Variants in RB1 observed in about 807,000 individuals in gnomAD.
The protein encoded by RB1 is RB transcriptional corepressor 1, also known as retinoblastoma-associated protein.
RB1 carries 18 observed loss-of-function variants against 135.4 expected under a neutral mutation model. The observed-to-expected ratio is 0.13, with a 90% CI of 0.09 to 0.20. RB1 has a LOEUF of 0.20. RB1 is among the 10% of genes least tolerant of loss of function. RB1 has a pLI of 1.00. For synonymous variants in RB1, 365 were observed against 373.2 expected, an observed-to-expected ratio of 0.98 and a Z score of 0.25; for missense variants, 868 against 1,110.0, an observed-to-expected ratio of 0.78 and a Z score of 3.10.
chr13:48,374,716 T>A (rs1050981569), intron 12 of RB1, among the ~76,000 whole-genome samples: 8 of 152,212 alleles, frequency 5.3e-5, no homozygotes, highest in African/African-American at 1.9e-4. Flanking sequence ...TCTTCTCATA[T>A]CATTTTGAAT....
intron 11 of RB1, among the ~76,000 whole-genome samples, chr13:48,372,422 C>A (rs1367624873): frequency 1.3e-5 from 2 of 152,018 alleles, no homozygotes; most frequent in African/African-American, 4.8e-5. Context: ...CTTTGGGAGG[C>A]CAAGGTGGGC....
chr13:48,350,959 A>G (rs1432793322), intron 6 of RB1, among the ~76,000 whole-genome samples: 1 of 151,932 alleles, frequency 6.6e-6, no homozygotes, highest in Non-Finnish European at 1.5e-5. Context: ...TATGTACCAC[A>G]TTTTCTTTAT....
Position 48,480,058 on chromosome 13 carries a change from A to C in RB1, c.2774A>C (p.Lys925Thr), listed in dbSNP as rs750946437. ...AATGATAGCATGGATACCTCAAACAAGGAAGAGAAATGAGGATCTCAGGAC... is the reference window on the plus strand; with the variant it reads ...AATGATAGCATGGATACCTCAAACACGGAAGAGAAATGAGGATCTCAGGAC... ...KMNDSMDTSN[K>T]EEK Residue 925 changes from lysine to threonine, a missense_variant, in exon 27 of 27, where the codon AAG becomes ACG. Coordinates refer to ENST00000267163, the MANE Select transcript of RB1 (RefSeq NM_000321.3). 1.2e-6 allele frequency: 2 copies of C among 1,612,720 alleles called. No individual in the cohort carries two copies.
chr13:48,350,184 A>G (rs1412695965), intron 6 of RB1, among the ~76,000 whole-genome samples: 1 of 152,182 alleles, frequency 6.6e-6, no homozygotes, highest in Non-Finnish European at 1.5e-5. Context: ...TGCACTATAT[A>G]GACCATATGA....
chr13:48,361,514 C>A (rs1396970361), intron 7 of RB1, among the ~76,000 whole-genome samples: 2 of 152,158 alleles, frequency 1.3e-5, no homozygotes, highest in African/African-American at 4.8e-5. Flanking sequence ...CATCCTTATA[C>A]ATCTCAGTAT....
chr13:48,323,148 C>T (rs1952255879), intron 2 of RB1, among the ~76,000 whole-genome samples: 1 of 151,924 alleles, frequency 6.6e-6, no homozygotes, highest in Non-Finnish European at 1.5e-5. Flanking sequence ...CCATCTGGGC[C>T]TGGACTTTTC....
intron 17 of RB1, among the ~76,000 whole-genome samples, chr13:48,450,552 T>G (rs560911278): frequency 5.9e-5 from 9 of 152,326 alleles, no homozygotes; most frequent in Admixed American, 5.2e-4. Context: ...CCATGCTGTT[T>G]TGGTTACTGT....
intron 17 of RB1, among the ~76,000 whole-genome samples, chr13:48,387,287 A>G (rs1948578227): frequency 6.6e-6 from 1 of 152,198 alleles, no homozygotes; most frequent in Admixed American, 6.5e-5. Flanking sequence ...ATGTTAACAT[A>G]ATGGGTTTAT....
At chr13:48,390,209 A>G (rs1050014935) in intron 17 of RB1, among the ~76,000 whole-genome samples, 4 of 152,216 alleles carry the variant, frequency 2.6e-5, no homozygotes, top group African/African-American at 7.2e-5. Context: ...AGGATATTTC[A>G]TTAAATAATT....
rs899323337 is a variant in RB1 at position 48,303,944 on chromosome 13, C to T, written c.32C>T (p.Ala11Val). The T allele has an allele frequency of 2.0e-6, 3 of 1,509,522 alleles. No homozygotes were observed. Among genetic ancestry groups the T allele is most frequent in the Admixed American group, 2.1e-5 (1 of 48,540 alleles). 93.5% of individuals were successfully genotyped at this position (1,509,522 alleles called of 1,614,324 possible). A position where few individuals can be genotyped will look rare whatever the true frequency, so the allele number is the denominator to read the frequency against. ...CCCAAAACCCCCCGAAAAACGGCCG[C>T]CACCGCCGCCGCTGCCGCCGCGGAA... Reference protein sequence around the residue: MPPKTPRKTAATAAAAAAEPP... With the variant: MPPKTPRKTAVTAAAAAAEPP... The change falls in exon 1 of 27, where the codon GCC becomes GTC. Residue 11 changes from alanine to valine, a missense_variant. Ala to Val is a moderately conservative substitution (Grantham distance 64). This residue lies in a region of RB1 where 641 missense variants were observed against 791.3 expected (regional missense o/e 0.81). Transcript: ENST00000267163.
chr13:48,450,454 C>G (rs1949319919), intron 17 of RB1, among the ~76,000 whole-genome samples: 1 of 152,084 alleles, frequency 6.6e-6, no homozygotes, highest in African/African-American at 2.4e-5. Context: ...TCAGGTTTGT[C>G]AAAGATCAGA....
At chr13:48,419,310 C>T (rs2138234403) in intron 17 of RB1, among the ~76,000 whole-genome samples, 2 of 152,218 alleles carry the variant, frequency 1.3e-5, no homozygotes, top group African/African-American at 2.4e-5. Context: ...GAAATTAAGG[C>T]AGAAACAAAG....
At chr13:48,431,851 C>G (rs1023227694) in intron 17 of RB1, among the ~76,000 whole-genome samples, 5 of 152,078 alleles carry the variant, frequency 3.3e-5, no homozygotes, top group Non-Finnish European at 5.9e-5. Context: ...AAAATTTTTT[C>G]CTGCTTATGT....
chr13:48,461,282 G>A (rs1949403515), intron 20 of RB1, among the ~76,000 whole-genome samples: 1 of 151,946 alleles, frequency 6.6e-6, no homozygotes, highest in Non-Finnish European at 1.5e-5. Context: ...TTTGTGTATG[G>A]CTTCTTTCAT....
At chr13:48,448,136 A>G (rs1210658127) in intron 17 of RB1, among the ~76,000 whole-genome samples, 1 of 152,194 alleles carries the variant, frequency 6.6e-6, no homozygotes, top group Non-Finnish European at 1.5e-5. Context: ...CAATTCATCC[A>G]TGGCTAGGAA....
At chr13:48,445,009 C>T (rs1193128012) in intron 17 of RB1, 1 of 151,026 alleles carries the variant, frequency 6.6e-6, no homozygotes, top group Non-Finnish European at 1.5e-5. Flanking sequence ...TTTAATTTCA[C>T]AGATCAATAG....
chr13:48,472,515 GT>G (rs555867360), intron 23 of RB1, among the ~76,000 whole-genome samples: 127 of 151,972 alleles, frequency 8.4e-4, no homozygotes, highest in African/African-American at 2.5e-3. Context: ...TACTTAGGTA[GT>G]TTTTTTTAAT....
At chr13:48,355,820 A>C (rs187990838) in intron 6 of RB1, among the ~76,000 whole-genome samples, 1 of 152,118 alleles carries the variant, frequency 6.6e-6, no homozygotes, top group African/African-American at 2.4e-5. Context: ...AGCCAGGTAC[A>C]GAAAGACAAA....
intron 21 of RB1, among the ~76,000 whole-genome samples, chr13:48,464,508 T>G (rs890916295): frequency 6.6e-6 from 1 of 152,230 alleles, no homozygotes. Flanking sequence ...TAAAATATAG[T>G]GCTTTTACTA....
Sources: gnomAD v4.1 joint callset for allele counts (sites outside exome capture counted in the v4.1 genomes callset) on GRCh38, gnomAD v4.1.1 for gene constraint, gnomAD v4.1.1 regional missense constraint, MANE v1.5 for transcripts, NCBI Gene and HGNC (gene_info 2026-07-23, HGNC 2026-07-21) for gene names.